Variants in MAP2 observed in about 807,000 individuals in gnomAD.
MAP2 encodes the protein microtubule-associated protein 2.
Under a neutral mutation model 137.6 loss-of-function variants are expected in MAP2, and 14 were observed. The ratio of observed to expected loss-of-function variants is 0.10; its 90% CI spans 0.07 to 0.16. MAP2 has a LOEUF of 0.16. MAP2 is among the 10% of genes least tolerant of loss of function. The probability of loss-of-function intolerance (pLI) is 1.00; values close to 1 mark genes in which losing one functional copy is unlikely to be tolerated. For synonymous variants in MAP2, 786 were observed against 782.3 expected (o/e 1.00, Z -0.08); for missense variants, 2,088 against 2,191.5 (o/e 0.95, Z 0.94).
intron 3 of MAP2, among the ~76,000 whole-genome samples, chr2:209,586,006 T>C (rs2077612795): frequency 6.6e-6 from 1 of 152,172 alleles, no homozygotes; most frequent in Non-Finnish European, 1.5e-5. Flanking sequence ...GAGTTGCACA[T>C]GTTTTTTAGG....
chr2:209,709,931 A>G lies in MAP2; in HGVS notation c.4750A>G (p.Arg1584Gly), dbSNP rs1200661820. Residue 1584 changes from arginine to glycine, a missense_variant, in exon 13 of 16, where the codon AGA (arginine) becomes GGA (glycine). By Grantham distance (125) the Arg-to-Gly change is moderately radical (BLOSUM62 -2). This residue lies in a region of MAP2 where 591 missense variants were observed against 642.6 expected (regional missense o/e 0.92). Coordinates refer to ENST00000682079, the MANE Select transcript of MAP2 (RefSeq NM_001375505.1). ...RRTTRSEPIR[R>G]AGKSGTSTPT... ...TAATACAGGGTCAGAGCCAATTCGC[A>G]GAGCAGGGAAGAGTGGTACCTCAAC... 6.2e-7 allele frequency: 1 copy of G among 1,613,322 alleles called. No individual in the cohort carries two copies. Among genetic ancestry groups the G allele is most frequent in the East Asian group, 2.2e-5 (1 of 44,868 alleles).
intron 1 of MAP2, among the ~76,000 whole-genome samples, chr2:209,477,861 A>G (rs1707712236): frequency 6.7e-6 from 1 of 149,782 alleles, no homozygotes; most frequent in Non-Finnish European, 1.5e-5. Flanking sequence ...AAAAAAAGCC[A>G]GGTGTGGTGG....
chr2:209,558,215 G>T (rs1323798189), intron 2 of MAP2, among the ~76,000 whole-genome samples: 1 of 151,858 alleles, frequency 6.6e-6, no homozygotes, highest in Non-Finnish European at 1.5e-5. Flanking sequence ...TTTGAGGTAG[G>T]TCTTGCTCTG....
intron 1 of MAP2, among the ~76,000 whole-genome samples, chr2:209,462,061 T>A (rs1190450703): frequency 6.6e-6 from 1 of 152,196 alleles, no homozygotes; most frequent in Non-Finnish European, 1.5e-5. Flanking sequence ...CAAAACTGTA[T>A]TTTAATTCCT....
At chr2:209,540,206 C>T (rs1024353917) in intron 2 of MAP2, among the ~76,000 whole-genome samples, 2 of 149,874 alleles carry the variant, frequency 1.3e-5, no homozygotes, top group Non-Finnish European at 2.9e-5. Flanking sequence ...TATATAGTGA[C>T]CACTTTCTTT....
chr2:209,485,995 G>A (rs992728804), intron 1 of MAP2, among the ~76,000 whole-genome samples: 1 of 152,126 alleles, frequency 6.6e-6, no homozygotes, highest in African/African-American at 2.4e-5. Flanking sequence ...ACCATTCATT[G>A]TCTAACCTCA....
chr2:209,447,578 G>T (rs2149450018), intron 1 of MAP2, among the ~76,000 whole-genome samples: 1 of 152,116 alleles, frequency 6.6e-6, no homozygotes, highest in East Asian at 1.9e-4. Context: ...TTGTTTAGAG[G>T]ATCTTAAGGG....
At chr2:209,664,305 T>C (rs2045195643) in intron 5 of MAP2, among the ~76,000 whole-genome samples, 3 of 152,140 alleles carry the variant, frequency 2.0e-5, no homozygotes, top group Admixed American at 2.0e-4. Flanking sequence ...ATCCCAGCAC[T>C]TTGGGAGGCC....
chr2:209,659,582 A>G (rs2042449311), intron 5 of MAP2, among the ~76,000 whole-genome samples: 1 of 152,228 alleles, frequency 6.6e-6, no homozygotes, highest in Admixed American at 6.5e-5. Flanking sequence ...GTGATATGAT[A>G]TCATAACTTT....
chr2:209,447,669 C>G (rs546519374), intron 1 of MAP2, among the ~76,000 whole-genome samples: 1 of 152,052 alleles, frequency 6.6e-6, no homozygotes, highest in East Asian at 1.9e-4. Context: ...GTTGCTAACC[C>G]CAAGGATCCC....
At chr2:209,632,065 G>T (rs1195101132) in intron 4 of MAP2, among the ~76,000 whole-genome samples, 1 of 152,156 alleles carries the variant, frequency 6.6e-6, no homozygotes, top group South Asian at 2.1e-4. Context: ...TAGGAAGTTT[G>T]ATTACACTGG....
chr2:209,653,362 G>A lies in MAP2; in HGVS notation c.192G>A (p.Gln64=), dbSNP rs779176922. 5.0e-6 allele frequency: 8 copies of A among 1,613,910 alleles called. No individual in the cohort carries two copies. Among genetic ancestry groups the A allele is most frequent in the Non-Finnish European group, 5.9e-6 (7 of 1,179,970 alleles). The change falls in exon 5 of 16, where the codon CAG becomes CAA. Residue 64 remains glutamine, a synonymous_variant. Transcript: ENST00000682079. ...GTGCCTTTGGAGAGCATGGGTCACA[G>A]GGCACCTATTCAAATACCAAAGAGA... ...EEGAFGEHGS[Q]GTYSNTKENG... is the part of the protein sequence containing the mutation.
chr2:209,660,829 A>ATT (rs1218325847), intron 5 of MAP2, among the ~76,000 whole-genome samples: 1 of 140,636 alleles, frequency 7.1e-6, no homozygotes, highest in Non-Finnish European at 1.5e-5. Flanking sequence ...CGCCTCCCGG[A>ATT]TTCACACCCA....
intron 1 of MAP2, among the ~76,000 whole-genome samples, chr2:209,495,524 C>T (rs1282764555): frequency 2.0e-5 from 3 of 152,232 alleles, no homozygotes; most frequent in Non-Finnish European, 4.4e-5. Flanking sequence ...GCAGCCTCTG[C>T]TGGTGATACC....
At chr2:209,597,587 A>C (rs1197007841) in intron 3 of MAP2, among the ~76,000 whole-genome samples, 1 of 152,176 alleles carries the variant, frequency 6.6e-6, no homozygotes, top group African/African-American at 2.4e-5. Context: ...TCTAATCATG[A>C]TATTTCTGTG....
At chr2:209,657,075 C>T (rs528434851) in intron 5 of MAP2, among the ~76,000 whole-genome samples, 6 of 152,270 alleles carry the variant, frequency 3.9e-5, no homozygotes, top group African/African-American at 7.2e-5. Context: ...AATGGTCTCC[C>T]GTTCCATCCA....
chr2:209,564,856 C>G (rs1021152744), intron 2 of MAP2, among the ~76,000 whole-genome samples: 1 of 152,092 alleles, frequency 6.6e-6, no homozygotes, highest in Non-Finnish European at 1.5e-5. Context: ...CCCCACATGC[C>G]CTCATTGCAA....
At chr2:209,529,343 C>G (rs2064732899) in intron 2 of MAP2, among the ~76,000 whole-genome samples, 2 of 152,126 alleles carry the variant, frequency 1.3e-5, no homozygotes, top group South Asian at 4.1e-4. Context: ...ATAGTTAATG[C>G]ATTGTACGTC....
chr2:209,553,875 T>A (rs746563137), intron 2 of MAP2, among the ~76,000 whole-genome samples: 2 of 152,156 alleles, frequency 1.3e-5, no homozygotes, highest in Non-Finnish European at 2.9e-5. Flanking sequence ...AGATGTAAAA[T>A]GCCCTAATTT....
Sources: allele counts gnomAD v4.1 joint callset (sites outside exome capture counted in the v4.1 genomes callset), GRCh38; gene constraint gnomAD v4.1.1; regional missense constraint gnomAD v4.1.1; transcripts MANE v1.5; gene names NCBI Gene and HGNC (gene_info 2026-07-23, HGNC 2026-07-21).